LIPE: variants seen among roughly 807,000 people sequenced by gnomAD.
LIPE encodes the protein lipase E, hormone sensitive type.
In LIPE, 66 loss-of-function variants were observed where a neutral mutation model predicts 88.5. That is an observed-to-expected ratio of 0.75 (90% CI 0.61 to 0.91). The LOEUF (loss-of-function observed/expected upper bound fraction) is 0.91, where lower values mean the gene tolerates loss of function less well. Among genes scored for constraint, LIPE ranks in the 40% least tolerant of loss-of-function variants. The pLI is 0.00. For missense variants in LIPE, 1,346 were observed against 1,434.7 expected (o/e 0.94, Z 1.00); for synonymous variants, 570 against 617.5 (o/e 0.92, Z 1.14).
At position 42,401,974 on chromosome 19, in the gene LIPE, C is replaced by T. The variant is rs753543762; in HGVS notation, c.3069G>A (p.Pro1023=). 6.4e-7 allele frequency: 1 copy of T among 1,556,518 alleles called. No homozygotes were observed. The highest frequency in any genetic ancestry group is 1.9e-5 in the Admixed American group (1 of 52,014). The change falls in exon 10 of 10, where the codon CCG becomes CCA. Residue 1023 remains proline (P), a synonymous_variant. Coordinates refer to ENST00000244289, the MANE Select transcript of LIPE (RefSeq NM_005357.4). ...PVTLRVVEDL[P]HGFLTLAALC... ...GCGCCGCTAGGGTCAGGAAGCCGTG[C>T]GGCAGGTCCTCCACCACGCGCAGCG...
At chr19:42,405,974 T>TCA (rs1483781593) in intron 7 of LIPE, 187 bp downstream of exon 7, 202 of 481,214 alleles carry the variant, frequency 4.2e-4, no homozygotes, top group Admixed American at 6.3e-4. Context: ...TCTCTCTCTC[T>TCA]CTCACACACA....
At chr19:42,424,352 C>G (rs1236565004) in intron 1 of LIPE, 6 of 456,976 alleles carry the variant, frequency 1.3e-5, no homozygotes, top group South Asian at 9.3e-5. Context: ...ACGCACACAG[C>G]CAACTGCTTC....
At chr19:42,423,604 C>G (rs1425665839) in intron 1 of LIPE, 3 of 1,206,140 alleles carry the variant, frequency 2.5e-6, no homozygotes, top group Non-Finnish European at 3.2e-6. Flanking sequence ...GGCCAATCCT[C>G]GCTACACACT....
intron 1 of LIPE, among the ~76,000 whole-genome samples, chr19:42,417,002 G>C (rs962541182): frequency 6.6e-6 from 1 of 152,166 alleles, no homozygotes; most frequent in Non-Finnish European, 1.5e-5. Flanking sequence ...CTCACTGCAA[G>C]CTCCGCCTCC....
intron 1 of LIPE, chr19:42,412,172 C>A (rs1305483047): frequency 4.9e-6 from 3 of 606,254 alleles, no homozygotes; most frequent in Non-Finnish European, 6.2e-6. Context: ...TCAGGCTGCC[C>A]TGTTTCTTGG....
intron 8 of LIPE, among the ~76,000 whole-genome samples, chr19:42,403,834 A>G (rs2040078857): frequency 6.6e-6 from 1 of 152,100 alleles, no homozygotes; most frequent in Admixed American, 6.6e-5. Context: ...TCCAGGGTGT[A>G]TCACATTTCT....
At position 42,407,245 on chromosome 19, in the gene LIPE, G is replaced by A. The variant is rs544256641; in HGVS notation, c.2066C>T (p.Ala689Val). 1.9e-6 allele frequency: 3 copies of A among 1,590,292 alleles called. No homozygotes were observed. Among genetic ancestry groups the A allele is most frequent in the East Asian group, 2.3e-5 (1 of 43,904 alleles). ...CTCCTCCAGCGCACGGGGGAAGGGG[G>A]CCTCAGGGGCCAGGGAGTAGTCGAT... is the stretch of plus-strand genomic sequence containing the variant. ...ISIDYSLAPE[A>V]PFPRALEECF... The change falls in exon 6 of 10, where the codon GCC becomes GTC. Residue 689 changes from alanine (A) to valine (V), a missense_variant. Transcript: ENST00000244289. The surrounding 1 kb of genome is among the most constrained non-coding windows in gnomAD (Gnocchi z 5.8).
rs955438717 is a variant in LIPE at position 42,410,174 on chromosome 19, C to T, written c.1419+133G>A. On this transcript the variant is annotated intron_variant, in intron 2 of 9. Transcript: ENST00000244289. This position sits in a 1 kb window ranked among gnomAD's most constrained non-coding sequence, Gnocchi z 6.1. ...GCTCTGTCTGAGCTCCAGCCAACTTCTCCTTTCTGTACCTGCTGTTTGCTG... is the reference window on the plus strand; with the variant it reads ...GCTCTGTCTGAGCTCCAGCCAACTTTTCCTTTCTGTACCTGCTGTTTGCTG... 4 of 938,876 alleles carry T rather than the reference C, an allele frequency of 4.3e-6. No individual in the cohort carries two copies. The African/African-American group carries it at 6.7e-5, about 16-fold the overall frequency. 58.2% of individuals were successfully genotyped at this position (938,876 alleles called of 1,614,324 possible). A position where few individuals can be genotyped will look rare whatever the true frequency, so the allele number is the denominator to read the frequency against.
Position 42,402,129 on chromosome 19 carries a change from G to C in LIPE, c.2968-54C>G. 3.5e-6 allele frequency: 5 copies of C among 1,410,856 alleles called. No homozygotes were observed. In the South Asian group the frequency reaches 6.2e-5, roughly 17 times the overall value. The allele number at this position is 1,410,856 out of a possible 1,614,324, so 87.4% of individuals were successfully genotyped here. A position where few individuals can be genotyped will look rare whatever the true frequency, so the allele number is the denominator to read the frequency against. ...AGAGGGTGGGGGACAGACAGACCGG[G>C]GTCGGGTAGAGCGAGGAGGGGTTTG... On this transcript the variant is annotated intron_variant, in intron 9 of 9. Transcript: ENST00000244289.
chr19:42,426,923 C>T lies in LIPE; in HGVS notation c.227G>A (p.Arg76Lys). 6.2e-7 allele frequency: 1 copy of T among 1,614,102 alleles called. No homozygotes were observed. The highest frequency in any genetic ancestry group is 1.1e-5 in the South Asian group (1 of 91,076). The change falls in exon 1 of 10, where the codon AGA becomes AAA. Residue 76 changes from arginine to lysine, a missense_variant. Physicochemically the swap from Arg to Lys is conservative, Grantham distance 26 (BLOSUM62 2). Coordinates refer to ENST00000244289, the MANE Select transcript of LIPE (RefSeq NM_005357.4). ...QHDAESQKEP[R>K]AQQKSASQEE... The stretch of plus-strand genomic sequence containing the variant: ...TTGTGAAGCAGATTTTTGTTGGGCT[C>T]TAGGTTCCTTCTGGGATTCAGCATC...
chr19:42,420,157 G>A (rs2040569008), intron 1 of LIPE, among the ~76,000 whole-genome samples: 1 of 152,018 alleles, frequency 6.6e-6, no homozygotes, highest in Non-Finnish European at 1.5e-5. Context: ...GGCACAGAAA[G>A]GTGACATAAC....
At position 42,407,012 on chromosome 19, in the gene LIPE, A is replaced by G. The variant is rs1266895814; in HGVS notation, c.2137+162T>C. Among the ~76,000 whole-genome samples, 1 of 152,072 alleles carries G rather than the reference A, an allele frequency of 6.6e-6. No individual in the cohort carries two copies. Among genetic ancestry groups the G allele is most frequent in the East Asian group, 1.9e-4 (1 of 5,176 alleles). On this transcript the variant is annotated intron_variant, in intron 6 of 9. Transcript: ENST00000244289. This position sits in a 1 kb window ranked among gnomAD's most constrained non-coding sequence, Gnocchi z 5.8. Reference sequence around the variant, plus strand: ...GGTGCCACAGTTGGGGACAGAGGATAAAGTGGCTGAGGTGGAAGATTGGGC... The same window carrying G: ...GGTGCCACAGTTGGGGACAGAGGATGAAGTGGCTGAGGTGGAAGATTGGGC...
chr19:42,424,180 C>T, intron 1 of LIPE: 21 of 1,076,700 alleles, frequency 2.0e-5, no homozygotes, highest in Non-Finnish European at 2.6e-5. Flanking sequence ...TCTCCGCCCC[C>T]TAATCCATGC....
At position 42,408,140 on chromosome 19, in the gene LIPE, G is replaced by A. The variant is rs944030933; in HGVS notation, c.1511-19C>T. 5 of 1,613,996 alleles carry A rather than the reference G, an allele frequency of 3.1e-6. No homozygotes were observed. The highest frequency in any genetic ancestry group is 4.2e-6 in the Non-Finnish European group (5 of 1,179,960). Reference sequence around the variant, plus strand: ...GCCACACCTAGGGGTCAGAAGGGGTGTCAGGGAGCCCCAGTGGGTCAGGCT... The same window carrying A: ...GCCACACCTAGGGGTCAGAAGGGGTATCAGGGAGCCCCAGTGGGTCAGGCT... On this transcript the variant is annotated intron_variant, in intron 3 of 9. Transcript: ENST00000244289. This position sits in a 1 kb window ranked among gnomAD's most constrained non-coding sequence, Gnocchi z 4.3.
rs1459680120 is a variant in LIPE at position 42,407,381 on chromosome 19, G to A, written c.1930C>T (p.Arg644Trp). Residue 644 changes from arginine to tryptophan, a missense_variant, in exon 6 of 10, where the codon CGG (arginine) becomes TGG (tryptophan). Arg to Trp is a moderately radical substitution (Grantham distance 101). Coordinates refer to ENST00000244289, the MANE Select transcript of LIPE (RefSeq NM_005357.4). This position sits in a 1 kb window ranked among gnomAD's most constrained non-coding sequence, Gnocchi z 5.8. ...WPRPQQAPRS[R>W]SLIVHFHGGG... Reference sequence around the variant, plus strand: ...CCGTGGAAGTGCACTATCAGGGACCGCGAGCGGGGTGCCTGCTGGGGGCGC... The same window carrying A: ...CCGTGGAAGTGCACTATCAGGGACCACGAGCGGGGTGCCTGCTGGGGGCGC... The A allele has an allele frequency of 2.5e-5, 40 of 1,613,468 alleles. No homozygotes were observed. Among genetic ancestry groups the A allele is most frequent in the Non-Finnish European group, 3.3e-5 (39 of 1,179,810 alleles).
At chr19:42,425,476 CCTTA>C (rs1352735813) in intron 1 of LIPE, among the ~76,000 whole-genome samples, 1 of 152,098 alleles carries the variant, frequency 6.6e-6, no homozygotes, top group East Asian at 1.9e-4. Context: ...GTGCAAGAAC[CCTTA>C]CTTCTTTATT....
chr19:42,406,020 G>GAA lies in LIPE; in HGVS notation c.2365+139_2365+140dup. 1 of 504,052 alleles carries GAA rather than the reference G, an allele frequency of 2.0e-6. No homozygotes were observed. The highest frequency in any genetic ancestry group is 3.5e-6 in the Non-Finnish European group (1 of 286,518). The allele number at this position is 504,052 out of a possible 1,614,324, so 31.2% of individuals were successfully genotyped here. A position where few individuals can be genotyped will look rare whatever the true frequency, so the allele number is the denominator to read the frequency against. ...CACACACACACACACACACACACACGAAAAAAAAGGGACAAGGAGTCTTAG... is the reference window on the plus strand; with the variant it reads ...CACACACACACACACACACACACACGAAAAAAAAAAGGGACAAGGAGTCTTAG... On this transcript the variant is annotated intron_variant, in intron 7 of 9. Transcript: ENST00000244289. The surrounding 1 kb of genome is among the most constrained non-coding windows in gnomAD (Gnocchi z 5.7).
intron 9 of LIPE, 134 bp from the exon 10 acceptor site, chr19:42,402,209 A>G (rs1036136864): frequency 1.2e-5 from 10 of 853,836 alleles, no homozygotes; most frequent in Middle Eastern, 3.7e-4. Context: ...GAGGCAGGAG[A>G]CATGGTGGGT....
At position 42,410,359 on chromosome 19, in the gene LIPE, T is replaced by G; in HGVS notation, c.1367A>C (p.Glu456Ala). ...DEGLTADFLR[E>A]YVTLHKGCFY... ...GCATCCCTTATGCAGCGTGACATACTCCCGGAGGAAGTCGGCGGTGAGCCC... is the reference window on the plus strand; with the variant it reads ...GCATCCCTTATGCAGCGTGACATACGCCCGGAGGAAGTCGGCGGTGAGCCC... Residue 456 changes from glutamate (E) to alanine (A), a missense_variant, in exon 2 of 10, where the codon GAG becomes GCG. Coordinates refer to ENST00000244289, the MANE Select transcript of LIPE (RefSeq NM_005357.4). The surrounding 1 kb of genome is among the most constrained non-coding windows in gnomAD (Gnocchi z 6.1). The G allele has an allele frequency of 6.2e-7, 1 of 1,613,400 alleles. No individual in the cohort carries two copies. Among genetic ancestry groups the G allele is most frequent in the Non-Finnish European group, 8.5e-7 (1 of 1,179,694 alleles).
Sources: allele counts gnomAD v4.1 joint callset (sites outside exome capture counted in the v4.1 genomes callset), GRCh38; gene constraint gnomAD v4.1.1; non-coding constraint Gnocchi (gnomAD v3.1); transcripts MANE v1.5; gene names NCBI Gene and HGNC (gene_info 2026-07-23, HGNC 2026-07-21).